The following TMEM132D variants were observed in gnomAD, a reference collection of about 807,000 sequenced individuals.
The protein encoded by TMEM132D is transmembrane protein 132D.
In TMEM132D, 21 loss-of-function variants were observed where a neutral mutation model predicts 62.3. The ratio of observed to expected loss-of-function variants is 0.34; its 90% CI spans 0.24 to 0.49. The LOEUF is 0.49. TMEM132D is among the 20% of genes least tolerant of loss of function. The pLI is 0.99. For missense variants in TMEM132D, 1,346 were observed against 1,402.8 expected (o/e 0.96, Z 0.65); for synonymous variants, 621 against 575.6 (o/e 1.08, Z -1.13).
chr12:129,261,937 T>G (rs189087045), intron 4 of TMEM132D, among the ~76,000 whole-genome samples: 2 of 152,290 alleles, frequency 1.3e-5, no homozygotes, highest in Admixed American at 1.3e-4. Context: ...AACAGGATAC[T>G]AAAACATATT....
intron 2 of TMEM132D, among the ~76,000 whole-genome samples, chr12:129,655,103 A>G (rs1565938358): frequency 6.6e-6 from 1 of 151,758 alleles, no homozygotes; most frequent in Non-Finnish European, 1.5e-5. Flanking sequence ...GCCTGCCACC[A>G]TGCCTGTCTA....
chr12:129,794,253 A>ATTTTTTTTTTTTT (rs3046861), intron 1 of TMEM132D, among the ~76,000 whole-genome samples: 8 of 111,576 alleles, frequency 7.2e-5, no homozygotes, highest in Non-Finnish European at 1.2e-4. Context: ...CATGCCCAGC[A>ATTTTTTTTTTTTT]TTTTTTTTTT....
intron 1 of TMEM132D, among the ~76,000 whole-genome samples, chr12:129,900,886 A>G (rs1036839950): frequency 1.3e-5 from 2 of 152,202 alleles, no homozygotes; most frequent in Admixed American, 6.5e-5. Flanking sequence ...TCCCAGGGGC[A>G]TAGAAATACA....
chr12:129,663,337 C>T (rs1450963797), intron 2 of TMEM132D, among the ~76,000 whole-genome samples: 2 of 152,164 alleles, frequency 1.3e-5, no homozygotes, highest in Admixed American at 1.3e-4. Flanking sequence ...GGGGTTTCAC[C>T]ATGTTGGTCA....
intron 2 of TMEM132D, among the ~76,000 whole-genome samples, chr12:129,561,123 T>C (rs1877214094): frequency 6.6e-6 from 1 of 152,168 alleles, no homozygotes. Flanking sequence ...CTTAATTTGG[T>C]TTGCGAGATT....
At chr12:129,304,017 G>A (rs958107302) in intron 4 of TMEM132D, among the ~76,000 whole-genome samples, 1 of 152,198 alleles carries the variant, frequency 6.6e-6, no homozygotes, top group Non-Finnish European at 1.5e-5. Context: ...ACACTGCAGA[G>A]GGTGGATCTT....
chr12:129,720,949 A>G (rs1868801239), intron 1 of TMEM132D, among the ~76,000 whole-genome samples: 1 of 152,362 alleles, frequency 6.6e-6, no homozygotes, highest in Admixed American at 6.5e-5. Flanking sequence ...ACTGCCCTCC[A>G]GGAGCTGACA....
At chr12:129,272,954 G>A (rs563977184) in intron 4 of TMEM132D, among the ~76,000 whole-genome samples, 6 of 151,916 alleles carry the variant, frequency 3.9e-5, no homozygotes, top group African/African-American at 1.5e-4. Context: ...CCAGCACTTT[G>A]GGAGGCCAAG....
intron 3 of TMEM132D, among the ~76,000 whole-genome samples, chr12:129,506,485 A>C (rs927139931): frequency 6.6e-6 from 1 of 152,232 alleles, no homozygotes; most frequent in Non-Finnish European, 1.5e-5. Flanking sequence ...TCACCAAAAC[A>C]GCATGGTACT....
intron 1 of TMEM132D, among the ~76,000 whole-genome samples, chr12:129,890,360 T>G (rs1874882466): frequency 6.6e-6 from 1 of 152,120 alleles, no homozygotes; most frequent in African/African-American, 2.4e-5. Context: ...CCCTACACCA[T>G]AGGTGCTGAA....
intron 1 of TMEM132D, among the ~76,000 whole-genome samples, chr12:129,897,253 G>C (rs543187405): frequency 6.6e-6 from 1 of 152,346 alleles, no homozygotes; most frequent in Admixed American, 6.5e-5. Flanking sequence ...CAAGTGTGCT[G>C]TCTGGCGTCA....
intron 1 of TMEM132D, among the ~76,000 whole-genome samples, chr12:129,710,932 G>A: frequency 6.6e-6 from 1 of 150,702 alleles, no homozygotes; most frequent in African/African-American, 2.4e-5. Context: ...CCCTACCCAC[G>A]CGCATTCCCC....
intron 2 of TMEM132D, among the ~76,000 whole-genome samples, chr12:129,575,304 CA>C (rs1308202591): frequency 6.6e-6 from 1 of 151,794 alleles, no homozygotes; most frequent in Non-Finnish European, 1.5e-5. Context: ...TTGGAGGAGT[CA>C]AAAGTCATTC....
chr12:129,490,486 T>G (rs1874742533), intron 3 of TMEM132D, among the ~76,000 whole-genome samples: 1 of 136,764 alleles, frequency 7.3e-6, no homozygotes, highest in African/African-American at 2.8e-5. Flanking sequence ...TGGAGTGCAG[T>G]GGCGCGATCT....
intron 3 of TMEM132D, among the ~76,000 whole-genome samples, chr12:129,443,852 A>G (rs989870375): frequency 3.3e-5 from 5 of 152,160 alleles, no homozygotes; most frequent in Admixed American, 3.3e-4. Context: ...GTTTTTTGGT[A>G]TGGCCACGTG....
intron 1 of TMEM132D, among the ~76,000 whole-genome samples, chr12:129,870,486 C>T (rs1874206943): frequency 6.6e-6 from 1 of 152,216 alleles, no homozygotes; most frequent in Admixed American, 6.5e-5. Flanking sequence ...GCAGAGCTTC[C>T]TGGTGGTGAA....
intron 1 of TMEM132D, among the ~76,000 whole-genome samples, chr12:129,784,808 T>C (rs1415771094): frequency 6.6e-6 from 1 of 152,124 alleles, no homozygotes; most frequent in Non-Finnish European, 1.5e-5. Context: ...CAGAGGAATG[T>C]AATTTTCATG....
At chr12:129,514,119 G>A (rs1242792778) in intron 3 of TMEM132D, among the ~76,000 whole-genome samples, 6 of 151,904 alleles carry the variant, frequency 3.9e-5, no homozygotes, top group Admixed American at 3.9e-4. Context: ...GATTACAGGC[G>A]TGAGCCACCG....
At chr12:129,476,715 G>A (rs1010691817) in intron 3 of TMEM132D, among the ~76,000 whole-genome samples, 1 of 152,156 alleles carries the variant, frequency 6.6e-6, no homozygotes, top group Non-Finnish European at 1.5e-5. Flanking sequence ...GTGGGGGCTG[G>A]AGTGCATTGT....
Sources: gnomAD v4.1 joint callset for allele counts (sites outside exome capture counted in the v4.1 genomes callset) on GRCh38, gnomAD v4.1.1 for gene constraint, MANE v1.5 for transcripts, NCBI Gene and HGNC (gene_info 2026-07-23, HGNC 2026-07-21) for gene names.